Variants in SV2C observed in about 807,000 individuals in gnomAD.
SV2C encodes solute carrier family 22 member B3.
Under a neutral mutation model 79.7 loss-of-function variants are expected in SV2C, and 49 were observed. The observed-to-expected ratio is 0.61, with a 90% CI of 0.49 to 0.78. The LOEUF (loss-of-function observed/expected upper bound fraction) is 0.78. Ranked by LOEUF, SV2C falls within the 30% of genes least tolerant of loss-of-function variation. SV2C has a pLI of 0.00. For missense variants in SV2C, 833 were observed against 912.9 expected (o/e 0.91, Z 1.13); for synonymous variants, 334 against 333.2 (o/e 1.00, Z -0.03).
intron 11 of SV2C, 43 bp from the exon 12 acceptor site, chr5:76,301,343 G>T: frequency 1.2e-6 from 2 of 1,608,866 alleles, no homozygotes; most frequent in Non-Finnish European, 1.7e-6. Flanking sequence ...GCTTTACTAA[G>T]ATGACAGGAA....
the SV2C span, among the ~76,000 whole-genome samples, chr5:75,895,582 C>T: frequency 1.3e-5 from 2 of 152,166 alleles, no homozygotes; most frequent in African/African-American, 2.4e-5. Context: ...GATGGATAAC[C>T]TAGTAGACTT....
At chr5:75,986,915 G>C in the SV2C span, among the ~76,000 whole-genome samples, 1 of 151,980 alleles carries the variant, frequency 6.6e-6, no homozygotes, top group Non-Finnish European at 1.5e-5. Flanking sequence ...CACTGTCCAG[G>C]ATAATAAAGA....
chr5:76,101,521 T>C (rs1015630987), intron 1 of SV2C, among the ~76,000 whole-genome samples: 1 of 152,158 alleles, frequency 6.6e-6, no homozygotes, highest in African/African-American at 2.4e-5. Flanking sequence ...AAGTGCCTGT[T>C]CTCATGGAGT....
intron 4 of SV2C, among the ~76,000 whole-genome samples, chr5:76,243,175 T>G (rs1319580216): frequency 6.6e-6 from 1 of 152,140 alleles, no homozygotes; most frequent in East Asian, 1.9e-4. Flanking sequence ...CAGTAAATGG[T>G]TGCTGTGCAC....
intron 4 of SV2C, among the ~76,000 whole-genome samples, chr5:76,235,571 G>A (rs186321330): frequency 1.3e-5 from 2 of 152,280 alleles, no homozygotes; most frequent in Admixed American, 1.3e-4. Context: ...AATGTTTGTA[G>A]TGTGGCCGAA....
At chr5:75,997,209 C>T in the SV2C span, among the ~76,000 whole-genome samples, 69,913 of 151,814 alleles carry the variant, frequency 0.46, 16,938 homozygotes, top group Middle Eastern at 0.62. Flanking sequence ...TGTTGAATTT[C>T]GTCAAAGGCC....
At chr5:75,989,225 G>A in the SV2C span, among the ~76,000 whole-genome samples, 1 of 151,776 alleles carries the variant, frequency 6.6e-6, no homozygotes, top group Non-Finnish European at 1.5e-5. Context: ...TGATATGGTG[G>A]TTTGCTGCAA....
intron 1 of SV2C, among the ~76,000 whole-genome samples, chr5:76,113,940 A>T (rs1454225697): frequency 6.6e-6 from 1 of 152,092 alleles, no homozygotes; most frequent in Non-Finnish European, 1.5e-5. Context: ...ACACACACAC[A>T]TATATACACA....
the SV2C span, among the ~76,000 whole-genome samples, chr5:75,991,590 C>T: frequency 0.45 from 65,465 of 144,004 alleles, 15,636 homozygotes; most frequent in East Asian, 0.67. Context: ...TATATACACA[C>T]ATATATATAT....
chr5:76,209,608 A>G (rs1019641443), intron 3 of SV2C, 128 bp from the exon 4 acceptor site: 21 of 910,750 alleles, frequency 2.3e-5, no homozygotes, highest in Middle Eastern at 2.3e-4. Flanking sequence ...AATAGAAAAT[A>G]TATGTTTGTT....
At chr5:76,235,949 G>A (rs972664425) in intron 4 of SV2C, among the ~76,000 whole-genome samples, 2 of 152,154 alleles carry the variant, frequency 1.3e-5, no homozygotes, top group African/African-American at 4.8e-5. Flanking sequence ...ATGTATTGTA[G>A]AAGACAGAGT....
the SV2C span, among the ~76,000 whole-genome samples, chr5:75,975,059 C>T: frequency 6.6e-6 from 1 of 152,046 alleles, no homozygotes; most frequent in Non-Finnish European, 1.5e-5. Flanking sequence ...CAGTTGAATC[C>T]ATTACTTTGC....
chr5:75,995,987 G>A, the SV2C span, among the ~76,000 whole-genome samples: 1 of 152,168 alleles, frequency 6.6e-6, no homozygotes, highest in African/African-American at 2.4e-5. Context: ...GCCAACTCAT[G>A]TGCTATATGA....
chr5:76,146,485 G>A (rs1459386921), intron 2 of SV2C, among the ~76,000 whole-genome samples: 1 of 152,112 alleles, frequency 6.6e-6, no homozygotes, highest in Non-Finnish European at 1.5e-5. Flanking sequence ...CAGGGTGCTG[G>A]TGGGAGTGTA....
intron 12 of SV2C, among the ~76,000 whole-genome samples, chr5:76,340,925 T>A (rs1217799812): frequency 1.6e-4 from 3 of 19,238 alleles, no homozygotes; most frequent in Non-Finnish European, 4.5e-4. Flanking sequence ...TTTTACAAAA[T>A]TTTTTTTTTT....
chr5:76,311,704 T>G (rs1748447942), intron 12 of SV2C, among the ~76,000 whole-genome samples: 1 of 152,178 alleles, frequency 6.6e-6, no homozygotes, highest in Admixed American at 6.5e-5. Flanking sequence ...AATATGAATG[T>G]GACATGAGCC....
intron 4 of SV2C, among the ~76,000 whole-genome samples, chr5:76,270,682 G>A (rs1030835908): frequency 3.3e-5 from 5 of 152,160 alleles, no homozygotes; most frequent in Non-Finnish European, 5.9e-5. Flanking sequence ...GGGCTCAAAC[G>A]AGCAGATGCG....
intron 2 of SV2C, among the ~76,000 whole-genome samples, chr5:76,136,846 A>C (rs1749086990): frequency 6.6e-6 from 1 of 152,188 alleles, no homozygotes; most frequent in Non-Finnish European, 1.5e-5. Flanking sequence ...CAATTATGTG[A>C]ACTTATCTGT....
chr5:75,985,188 A>G, the SV2C span, among the ~76,000 whole-genome samples: 5 of 151,886 alleles, frequency 3.3e-5, no homozygotes, highest in Non-Finnish European at 7.4e-5. Flanking sequence ...GAAATCCTGG[A>G]AGCTAGACTC....
Sources: gnomAD v4.1 joint callset for allele counts (sites outside exome capture counted in the v4.1 genomes callset) on GRCh38, gnomAD v4.1.1 for gene constraint, MANE v1.5 for transcripts, NCBI Gene and HGNC (gene_info 2026-07-23, HGNC 2026-07-21) for gene names.